The following SLIT3 variants were observed in gnomAD, a reference collection of about 807,000 sequenced individuals.
SLIT3 encodes the protein slit homolog 3 protein.
SLIT3 carries 68 observed loss-of-function variants against 184.0 expected under a neutral mutation model. The observed-to-expected ratio is 0.37, with a 90% CI of 0.30 to 0.45. The LOEUF is 0.45. Ranked by LOEUF, SLIT3 falls within the 20% of genes least tolerant of loss-of-function variation. SLIT3 has a pLI of 1.00. For synonymous variants in SLIT3, 831 were observed against 828.6 expected (o/e 1.00, Z -0.05); for missense variants, 1,707 against 2,026.0 (o/e 0.84, Z 3.02).
intron 4 of SLIT3, among the ~76,000 whole-genome samples, chr5:168,977,281 T>C (rs1754797737): frequency 6.6e-6 from 1 of 152,154 alleles, no homozygotes; most frequent in Non-Finnish European, 1.5e-5. Context: ...GCCATCTCTT[T>C]TGGATTGCTC....
intron 4 of SLIT3, among the ~76,000 whole-genome samples, chr5:168,975,699 C>T (rs943168977): frequency 6.6e-6 from 1 of 152,206 alleles, no homozygotes; most frequent in African/African-American, 2.4e-5. Context: ...CTGTTTCTTA[C>T]ATTCTTCCCT....
intron 4 of SLIT3, among the ~76,000 whole-genome samples, chr5:169,090,442 G>T (rs1028107075): frequency 1.5e-4 from 23 of 152,140 alleles, no homozygotes; most frequent in Non-Finnish European, 1.5e-5. Flanking sequence ...GAGCAGAGCA[G>T]GTGAAGGAAG....
In SLIT3 at chr5:169,193,475, TCA is replaced by T; in HGVS notation, c.413+2_413+3del. The T allele has an allele frequency of 2.5e-6, 4 of 1,613,356 alleles. No homozygotes were observed. The highest frequency in any genetic ancestry group is 3.4e-6 in the Non-Finnish European group (4 of 1,179,350). On this transcript the variant is annotated splice_donor_variant and splice_donor_region_variant and intron_variant, in intron 4 of 35. Transcript: ENST00000519560. LOFTEE classifies it high-confidence loss of function. ...GGTAGAGAACACAAGGCAACTCTACTCACAGTCTGGTGAGCTTCGGCGTGCTC... is the reference window on the plus strand; with the variant it reads ...GGTAGAGAACACAAGGCAACTCTACTCAGTCTGGTGAGCTTCGGCGTGCTC...
chr5:168,740,955 C>T (rs567439456), intron 20 of SLIT3, among the ~76,000 whole-genome samples: 8 of 152,286 alleles, frequency 5.3e-5, no homozygotes, highest in East Asian at 1.9e-4. Context: ...TCTGCAGCCC[C>T]GTCCCATGGC....
intron 35 of SLIT3, chr5:168,667,556 C>G (rs571662671): frequency 6.6e-6 from 1 of 152,376 alleles, no homozygotes; most frequent in East Asian, 1.9e-4. Context: ...TGGACCCTGA[C>G]CCAGCTTTTC....
At chr5:168,890,236 C>T (rs1760398876) in intron 4 of SLIT3, among the ~76,000 whole-genome samples, 1 of 151,140 alleles carries the variant, frequency 6.6e-6, no homozygotes, top group Non-Finnish European at 1.5e-5. Flanking sequence ...CTATGGATTG[C>T]TCCCAGACCA....
chr5:168,832,834 C>T (rs1180827441), intron 6 of SLIT3, among the ~76,000 whole-genome samples: 1 of 152,150 alleles, frequency 6.6e-6, no homozygotes. Flanking sequence ...TATCAAAACC[C>T]ACAAATGAAA....
At chr5:168,708,341 A>C (rs1368518816) in intron 25 of SLIT3, 2 of 578,632 alleles carry the variant, frequency 3.5e-6, no homozygotes, top group African/African-American at 1.9e-5. Context: ...TCTGCAGTCA[A>C]ATCAATTACT....
intron 4 of SLIT3, among the ~76,000 whole-genome samples, chr5:169,099,476 CAT>C (rs1213980735): frequency 2.6e-5 from 4 of 152,218 alleles, no homozygotes; most frequent in African/African-American, 9.6e-5. Context: ...ATCACTAACA[CAT>C]GTTTAGCAAC....
chr5:169,033,077 A>T (rs1757097797), intron 4 of SLIT3, among the ~76,000 whole-genome samples: 1 of 150,986 alleles, frequency 6.6e-6, no homozygotes, highest in Non-Finnish European at 1.5e-5. Flanking sequence ...CTTAATACAG[A>T]CCTCCATCTC....
At chr5:168,989,849 G>A (rs559186825) in intron 4 of SLIT3, among the ~76,000 whole-genome samples, 12 of 152,292 alleles carry the variant, frequency 7.9e-5, no homozygotes, top group African/African-American at 1.7e-4. Flanking sequence ...TTTCATTTCC[G>A]TTTTCTGCAA....
At chr5:169,157,550 T>C (rs1343919628) in intron 4 of SLIT3, among the ~76,000 whole-genome samples, 1 of 152,122 alleles carries the variant, frequency 6.6e-6, no homozygotes, top group African/African-American at 2.4e-5. Context: ...AACAATGCAA[T>C]GCCTCCCCTT....
chr5:168,846,122 T>C (rs1004537293), intron 5 of SLIT3, among the ~76,000 whole-genome samples: 3 of 152,240 alleles, frequency 2.0e-5, no homozygotes, highest in Non-Finnish European at 4.4e-5. Context: ...TAAAACGCAA[T>C]AGAGTGATAC....
chr5:169,155,054 G>A (rs142090130), intron 4 of SLIT3, among the ~76,000 whole-genome samples: 11 of 152,284 alleles, frequency 7.2e-5, no homozygotes, highest in African/African-American at 2.6e-4. Context: ...CAGTCAGTTT[G>A]GCTTACCAGC....
chr5:169,176,119 T>C (rs1026576105), intron 4 of SLIT3, among the ~76,000 whole-genome samples: 1 of 152,160 alleles, frequency 6.6e-6, no homozygotes, highest in Non-Finnish European at 1.5e-5. Flanking sequence ...TGAGTGCAGA[T>C]TGAAGGAAAC....
chr5:168,951,156 G>T (rs907003328), intron 4 of SLIT3, among the ~76,000 whole-genome samples: 1 of 152,166 alleles, frequency 6.6e-6, no homozygotes, highest in African/African-American at 2.4e-5. Flanking sequence ...GGAGGTGGAG[G>T]TTGCAGTGAG....
At chr5:168,941,808 T>C (rs1762342006) in intron 4 of SLIT3, among the ~76,000 whole-genome samples, 2 of 152,200 alleles carry the variant, frequency 1.3e-5, no homozygotes, top group Admixed American at 1.3e-4. Context: ...CTGGTCTGTA[T>C]AATCATGATA....
intron 3 of SLIT3, among the ~76,000 whole-genome samples, chr5:169,199,452 C>A (rs139088276): frequency 2.5e-4 from 38 of 152,024 alleles, no homozygotes; most frequent in Non-Finnish European, 1.6e-4. Flanking sequence ...GAACACTGTG[C>A]GGAAGGTGGT....
chr5:169,106,798 T>TCA (rs1300420454), intron 4 of SLIT3, among the ~76,000 whole-genome samples: 3 of 152,200 alleles, frequency 2.0e-5, no homozygotes, highest in African/African-American at 7.2e-5. Flanking sequence ...GGGCCAAATA[T>TCA]CACCCATCCT....
Sources: gnomAD v4.1 joint callset for allele counts (sites outside exome capture counted in the v4.1 genomes callset) on GRCh38, gnomAD v4.1.1 for gene constraint, MANE v1.5 for transcripts, NCBI Gene and HGNC (gene_info 2026-07-23, HGNC 2026-07-21) for gene names.